The following ADAMTSL1 variants were observed in gnomAD, a reference collection of about 807,000 sequenced individuals.
ADAMTSL1 encodes ADAMTS like 1.
Under a neutral mutation model 201.8 loss-of-function variants are expected in ADAMTSL1, and 126 were observed. The ratio of observed to expected loss-of-function variants is 0.62; its 90% CI spans 0.54 to 0.72. The LOEUF is 0.72. Among genes scored for constraint, ADAMTSL1 ranks in the 30% least tolerant of loss-of-function variants. ADAMTSL1 has a pLI of 0.00. For missense variants in ADAMTSL1, 2,679 were observed against 2,277.8 expected, an observed-to-expected ratio of 1.18 and a Z score of -3.59; for synonymous variants, 1,121 against 903.4, an observed-to-expected ratio of 1.24 and a Z score of -4.32.
intron 14 of ADAMTSL1, among the ~76,000 whole-genome samples, chr9:18,709,072 T>C (rs1007596025): frequency 6.6e-6 from 1 of 152,236 alleles, no homozygotes; most frequent in Non-Finnish European, 1.5e-5. Flanking sequence ...GTAAAGTTAC[T>C]GAAATCTCTT....
chr9:18,057,684 C>T (rs1429789811), intron 1 of ADAMTSL1, among the ~76,000 whole-genome samples: 1 of 152,200 alleles, frequency 6.6e-6, no homozygotes, highest in East Asian at 1.9e-4. Context: ...GTCACCACCA[C>T]CCATGTTCTC....
intron 2 of ADAMTSL1, among the ~76,000 whole-genome samples, chr9:18,173,631 A>G (rs923712187): frequency 6.6e-6 from 1 of 152,192 alleles, no homozygotes; most frequent in Non-Finnish European, 1.5e-5. Context: ...TACCAAGATT[A>G]ATTATCTAGA....
chr9:18,534,664 A>G lies in ADAMTSL1; in HGVS notation c.237+1372A>G, dbSNP rs938148522. On this transcript the variant is annotated intron_variant, in intron 3 of 28. Coordinates refer to ENST00000380548, the MANE Select transcript of ADAMTSL1 (RefSeq NM_001040272.6). Reference sequence around the variant, plus strand: ...TATGAGGGCTCCACCCCTGCAGCAGACTTTTGCCTGGACATCCAGGCATTT... The same window carrying G: ...TATGAGGGCTCCACCCCTGCAGCAGGCTTTTGCCTGGACATCCAGGCATTT... Among the ~76,000 whole-genome samples the G allele has an allele frequency of 3.9e-5, 6 of 152,142 alleles. 1 individual carries two copies. In the East Asian group the frequency reaches 1.2e-3, roughly 29 times the overall value.
chr9:18,817,055 C>A, intron 20 of ADAMTSL1, 54 bp from the exon 21 acceptor site: 1 of 1,590,380 alleles, frequency 6.3e-7, no homozygotes, highest in Non-Finnish European at 8.5e-7. Context: ...AAAGGAGTGC[C>A]CCAATTTCCA....
At chr9:18,662,469 G>C (rs1261309287) in intron 9 of ADAMTSL1, among the ~76,000 whole-genome samples, 1 of 152,114 alleles carries the variant, frequency 6.6e-6, no homozygotes. Context: ...CCCGATCAGG[G>C]ACAAGATCAG....
chr9:18,708,165 A>G (rs972003864), intron 14 of ADAMTSL1, among the ~76,000 whole-genome samples: 1 of 152,242 alleles, frequency 6.6e-6, no homozygotes, highest in Non-Finnish European at 1.5e-5. Flanking sequence ...GATATTTTGG[A>G]AACTTTGAAA....
At chr9:18,900,469 C>T (rs201377608) in intron 26 of ADAMTSL1, among the ~76,000 whole-genome samples, 2 of 147,026 alleles carry the variant, frequency 1.4e-5, no homozygotes, top group Admixed American at 7.0e-5. Flanking sequence ...TACAAAGATA[C>T]ATGCATATGT....
At chr9:18,111,049 T>C (rs1824984944) in intron 1 of ADAMTSL1, among the ~76,000 whole-genome samples, 1 of 152,184 alleles carries the variant, frequency 6.6e-6, no homozygotes. Flanking sequence ...CTCCATGTGT[T>C]CATTTTGCAG....
At chr9:18,294,821 C>T (rs16936553) in intron 2 of ADAMTSL1, among the ~76,000 whole-genome samples, 1 of 152,110 alleles carries the variant, frequency 6.6e-6, no homozygotes, top group East Asian at 1.9e-4. Context: ...ACTGACTGAA[C>T]AAGTGTTTTA....
intron 1 of ADAMTSL1, among the ~76,000 whole-genome samples, chr9:18,125,951 T>C (rs530254016): frequency 6.6e-5 from 10 of 152,276 alleles, no homozygotes; most frequent in East Asian, 1.9e-4. Flanking sequence ...CTTATTGAAA[T>C]TGTGACCTGG....
chr9:18,558,216 G>A (rs548060883), intron 3 of ADAMTSL1, among the ~76,000 whole-genome samples: 1 of 152,136 alleles, frequency 6.6e-6, no homozygotes, highest in South Asian at 2.1e-4. Context: ...GTGTCCATGT[G>A]TTCTCATTGT....
chr9:18,671,910 G>A lies in ADAMTSL1; in HGVS notation c.1086-3947G>A, dbSNP rs572727480. Reference sequence around the variant, plus strand: ...AAATTATCCGGGCGTGGCGGCGGGCGCCTGTAGTCCCAGCTACTCAGGAGG... The same window carrying A: ...AAATTATCCGGGCGTGGCGGCGGGCACCTGTAGTCCCAGCTACTCAGGAGG... On this transcript the variant is annotated intron_variant, in intron 9 of 28. Coordinates refer to ENST00000380548, the MANE Select transcript of ADAMTSL1 (RefSeq NM_001040272.6). 1.4e-4 allele frequency among the ~76,000 whole-genome samples: 22 copies of A among 152,130 alleles called. No individual in the cohort carries two copies. The South Asian group carries it at 2.5e-3, about 17-fold the overall frequency.
chr9:18,259,371 A>G, intron 2 of ADAMTSL1, among the ~76,000 whole-genome samples: 1 of 152,092 alleles, frequency 6.6e-6, no homozygotes, highest in South Asian at 2.1e-4. Context: ...AAAAAGTACA[A>G]AAAATTAGCC....
intron 2 of ADAMTSL1, among the ~76,000 whole-genome samples, chr9:18,370,305 G>C (rs1836985916): frequency 6.6e-6 from 1 of 151,866 alleles, no homozygotes; most frequent in South Asian, 2.1e-4. Flanking sequence ...AGGCACTGGG[G>C]ACTCCAAAGG....
intron 1 of ADAMTSL1, among the ~76,000 whole-genome samples, chr9:18,093,202 G>A (rs1364917146): frequency 6.6e-6 from 1 of 151,994 alleles, no homozygotes; most frequent in African/African-American, 2.4e-5. Context: ...ATACTATTTA[G>A]AAGAAATATA....
intron 4 of ADAMTSL1, among the ~76,000 whole-genome samples, chr9:18,610,510 C>A (rs1377511924): frequency 6.6e-6 from 1 of 152,052 alleles, no homozygotes; most frequent in East Asian, 1.9e-4. Flanking sequence ...ATAGAAATGG[C>A]AGTAGAGAAC....
At chr9:18,085,015 G>T (rs2131789091) in intron 1 of ADAMTSL1, among the ~76,000 whole-genome samples, 1 of 152,272 alleles carries the variant, frequency 6.6e-6, no homozygotes, top group Non-Finnish European at 1.5e-5. Flanking sequence ...TGGGTATCTG[G>T]AGGTAGAGTG....
At chr9:18,452,366 A>AGTTC (rs1232060363) in intron 2 of ADAMTSL1, among the ~76,000 whole-genome samples, 1 of 152,220 alleles carries the variant, frequency 6.6e-6, no homozygotes, top group African/African-American at 2.4e-5. Context: ...ACTTTCCAAA[A>AGTTC]CATGAACTTG....
intron 17 of ADAMTSL1, among the ~76,000 whole-genome samples, chr9:18,771,306 A>G (rs980788711): frequency 6.6e-6 from 1 of 152,240 alleles, no homozygotes; most frequent in Non-Finnish European, 1.5e-5. Context: ...ACTGCTTCCT[A>G]TCAAGAGAAT....
Sources: gnomAD v4.1 joint callset for allele counts (sites outside exome capture counted in the v4.1 genomes callset) on GRCh38, gnomAD v4.1.1 for gene constraint, MANE v1.5 for transcripts, NCBI Gene and HGNC (gene_info 2026-07-23, HGNC 2026-07-21) for gene names.